Variants in KCNK9 observed in about 807,000 individuals in gnomAD.
KCNK9 encodes the protein potassium channel subfamily K member 9.
In KCNK9, 1 loss-of-function variant was observed where a neutral mutation model predicts 10.8. The ratio of observed to expected loss-of-function variants is 0.09; its 90% CI spans 0.03 to 0.44. The LOEUF is 0.44. Among genes scored for constraint, KCNK9 ranks in the 20% least tolerant of loss-of-function variants. The pLI is 0.97. For synonymous variants in KCNK9, 231 were observed against 222.7 expected, an observed-to-expected ratio of 1.04 and a Z score of -0.33; for missense variants, 303 against 515.0, an observed-to-expected ratio of 0.59 and a Z score of 3.98.
At chr8:139,690,906 C>G (rs535973892) in intron 1 of KCNK9, among the ~76,000 whole-genome samples, 1 of 152,270 alleles carries the variant, frequency 6.6e-6, no homozygotes, top group East Asian at 1.9e-4. Context: ...CTAGATTGCA[C>G]CCAGGTCAAG....
At chr8:139,620,745 C>A (rs1459404208) in intron 1 of KCNK9, among the ~76,000 whole-genome samples, 3 of 152,204 alleles carry the variant, frequency 2.0e-5, no homozygotes, top group African/African-American at 7.2e-5. Context: ...AGCTCTGACA[C>A]CCCTCTGAAA....
intron 2 of KCNK9, among the ~76,000 whole-genome samples, chr8:139,602,496 C>A (rs973248230): frequency 6.6e-6 from 1 of 152,164 alleles, no homozygotes; most frequent in African/African-American, 2.4e-5. Flanking sequence ...CCTTATAGGA[C>A]CAGCAAGCTA....
chr8:139,623,007 G>T (rs1342683588), intron 1 of KCNK9, among the ~76,000 whole-genome samples: 1 of 152,212 alleles, frequency 6.6e-6, no homozygotes, highest in African/African-American at 2.4e-5. Context: ...TATTGTCTAT[G>T]CAGTGTGTGC....
intron 1 of KCNK9, among the ~76,000 whole-genome samples, chr8:139,632,176 G>A (rs1786681307): frequency 6.6e-6 from 1 of 152,210 alleles, no homozygotes; most frequent in Non-Finnish European, 1.5e-5. Flanking sequence ...GAGGTAGGGG[G>A]CTGGGGCCTC....
intron 1 of KCNK9, among the ~76,000 whole-genome samples, chr8:139,661,299 C>T (rs1816145616): frequency 6.6e-6 from 1 of 151,880 alleles, no homozygotes; most frequent in South Asian, 2.1e-4. Flanking sequence ...TGTGGGGATC[C>T]CCCCACCCCA....
chr8:139,686,534 T>A (rs1246832713), intron 1 of KCNK9, among the ~76,000 whole-genome samples: 1 of 152,220 alleles, frequency 6.6e-6, no homozygotes, highest in Non-Finnish European at 1.5e-5. Flanking sequence ...CAATTTTAAA[T>A]GTGCAAAATG....
At chr8:139,604,473 C>T (rs113919583) in intron 2 of KCNK9, among the ~76,000 whole-genome samples, 9,194 of 152,086 alleles carry the variant, frequency 0.06, 378 homozygotes, top group Middle Eastern at 0.099. Flanking sequence ...GGGGGTGCCA[C>T]GCGGGCGCAT....
chr8:139,681,609 T>C (rs891092138), intron 1 of KCNK9, among the ~76,000 whole-genome samples: 1 of 152,202 alleles, frequency 6.6e-6, no homozygotes, highest in Non-Finnish European at 1.5e-5. Flanking sequence ...GAGGTCACCC[T>C]GTGCTGAGGG....
intron 1 of KCNK9, among the ~76,000 whole-genome samples, chr8:139,681,292 C>T (rs944925990): frequency 3.9e-5 from 6 of 152,150 alleles, no homozygotes; most frequent in African/African-American, 1.4e-4. Context: ...GGCTGTGCTC[C>T]TCTCCCGAGC....
chr8:139,636,736 G>A (rs191818765), intron 1 of KCNK9, among the ~76,000 whole-genome samples: 22 of 152,286 alleles, frequency 1.4e-4, no homozygotes, highest in South Asian at 4.1e-4. Flanking sequence ...AAGTGTTTAC[G>A]TAAGAAAAAT....
chr8:139,654,094 G>T (rs1387254403), intron 1 of KCNK9, among the ~76,000 whole-genome samples: 5 of 152,248 alleles, frequency 3.3e-5, no homozygotes, highest in Admixed American at 3.3e-4. Context: ...CAGGAACAGA[G>T]CTTTCCAGTT....
chr8:139,696,091 G>A (rs1051598562), intron 1 of KCNK9, among the ~76,000 whole-genome samples: 1 of 152,120 alleles, frequency 6.6e-6, no homozygotes, highest in Non-Finnish European at 1.5e-5. Context: ...TTGAAGAGAA[G>A]CCATCCCAAC....
At chr8:139,644,857 C>A (rs1052491007) in intron 1 of KCNK9, among the ~76,000 whole-genome samples, 6 of 152,172 alleles carry the variant, frequency 3.9e-5, no homozygotes, top group Admixed American at 1.3e-4. Flanking sequence ...TGCCAAGAGC[C>A]CTGCCTCCCC....
At chr8:139,694,717 C>T (rs1817011238) in intron 1 of KCNK9, among the ~76,000 whole-genome samples, 1 of 152,022 alleles carries the variant, frequency 6.6e-6, no homozygotes, top group Non-Finnish European at 1.5e-5. Flanking sequence ...CTTCAGCCCA[C>T]CCTCCTCTAC....
intron 1 of KCNK9, among the ~76,000 whole-genome samples, chr8:139,688,220 A>T (rs1816861732): frequency 6.6e-6 from 1 of 152,200 alleles, no homozygotes; most frequent in Non-Finnish European, 1.5e-5. Flanking sequence ...CCAGCTAATA[A>T]AAGGTAGATG....
At chr8:139,663,648 C>CGTGTGTGTGTGTGTGTGTGTGTGTGTGT (rs34660685) in intron 1 of KCNK9, among the ~76,000 whole-genome samples, 5 of 137,506 alleles carry the variant, frequency 3.6e-5, no homozygotes, top group Admixed American at 2.2e-4. Context: ...CGCGTGCGCA[C>CGTGTGTGTGTGTGTGTGTGTGTGTGTGT]GTGTGTGTGT....
chr8:139,640,663 A>G (rs1815477569), intron 1 of KCNK9, among the ~76,000 whole-genome samples: 1 of 152,218 alleles, frequency 6.6e-6, no homozygotes, highest in African/African-American at 2.4e-5. Flanking sequence ...CTGGCCAAGG[A>G]CAACCCTGGA....
chr8:139,618,779 A>G lies in KCNK9; in HGVS notation c.604T>C (p.Phe202Leu). ...GTCTGCAGGGCCACGTAGTCCCCGA[A>G]CCCAATGGTAGTCAACGTGATGAAG... is the stretch of plus-strand genomic sequence containing the variant. ...YCFITLTTIG[F>L]GDYVALQTKG... Residue 202 changes from phenylalanine to leucine, a missense_variant, in exon 2 of 2, where the codon TTC (phenylalanine) becomes CTC (leucine). Phe to Leu is a conservative substitution (Grantham distance 22). This residue lies in a region of KCNK9 where 53 missense variants were observed against 134.9 expected (regional missense o/e 0.39). Coordinates refer to ENST00000520439, the MANE Select transcript of KCNK9 (RefSeq NM_001282534.2). The surrounding 1 kb of genome is among the most constrained non-coding windows in gnomAD (Gnocchi z 7.9). The G allele has an allele frequency of 6.2e-7, 1 of 1,614,174 alleles. No homozygotes were observed. The highest frequency in any genetic ancestry group is 8.5e-7 in the Non-Finnish European group (1 of 1,180,030).
downstream of KCNK9, among the ~76,000 whole-genome samples, chr8:139,615,177 A>T (rs1814543451): frequency 6.6e-6 from 1 of 152,232 alleles, no homozygotes; most frequent in Non-Finnish European, 1.5e-5. Context: ...TAGCAACAGA[A>T]GTAGCCAGGA....
Sources: allele counts gnomAD v4.1 joint callset (sites outside exome capture counted in the v4.1 genomes callset), GRCh38; gene constraint gnomAD v4.1.1; regional missense constraint gnomAD v4.1.1; non-coding constraint Gnocchi (gnomAD v3.1); transcripts MANE v1.5; gene names NCBI Gene and HGNC (gene_info 2026-07-23, HGNC 2026-07-21).